CDYL: variants seen among roughly 807,000 people sequenced by gnomAD.
The protein encoded by CDYL is chromodomain Y-like protein.
CDYL carries 8 observed loss-of-function variants against 47.3 expected under a neutral mutation model. That is an observed-to-expected ratio of 0.17 (90% CI 0.10 to 0.31). The LOEUF (loss-of-function observed/expected upper bound fraction) is 0.31. Ranked by LOEUF, CDYL falls within the 10% of genes least tolerant of loss-of-function variation. The probability of loss-of-function intolerance (pLI) is 1.00; values close to 1 mark genes in which losing one functional copy is unlikely to be tolerated. For missense variants in CDYL, 471 were observed against 701.4 expected (o/e 0.67, Z 3.71); for synonymous variants, 266 against 265.0 (o/e 1.00, Z -0.04).
At chr6:4,712,475 G>A (rs999987377) in intron 1 of CDYL, among the ~76,000 whole-genome samples, 3 of 152,180 alleles carry the variant, frequency 2.0e-5, no homozygotes, top group Non-Finnish European at 2.9e-5. Flanking sequence ...CGTTCCCACC[G>A]GCAGCAGTTA....
At chr6:4,723,959 T>G (rs886544052) in intron 2 of CDYL, among the ~76,000 whole-genome samples, 1 of 152,138 alleles carries the variant, frequency 6.6e-6, no homozygotes, top group African/African-American at 2.4e-5. Flanking sequence ...CCCTGGGGAT[T>G]AAAAGAGAGA....
At chr6:4,871,690 A>G (rs1000497525) in intron 1 of CDYL, among the ~76,000 whole-genome samples, 2 of 152,072 alleles carry the variant, frequency 1.3e-5, no homozygotes, top group African/African-American at 4.8e-5. Context: ...TTTTTGTAAA[A>G]TTTATATTTG....
rs75007087 is a variant in CDYL at position 4,779,547 on chromosome 6, A to G, written c.24+2740A>G. Among the ~76,000 whole-genome samples the G allele has an allele frequency of 7.9e-3, 1,201 of 152,346 alleles. 23 individuals carry two copies. Among genetic ancestry groups the G allele is most frequent in the East Asian group, 0.044 (227 of 5,188 alleles). ...GCTATTGAAACTAGGCTTTGTGAAC[A>G]AAAAATAAAGGAACAGATCCTGGAA... On this transcript the variant is annotated intron_variant, in intron 1 of 6. Coordinates refer to ENST00000397588, the MANE Select transcript of CDYL (RefSeq NM_004824.4).
intron 1 of CDYL, among the ~76,000 whole-genome samples, chr6:4,857,446 T>C (rs1761043206): frequency 1.3e-5 from 2 of 152,236 alleles, no homozygotes; most frequent in African/African-American, 4.8e-5. Flanking sequence ...CAAAATATGC[T>C]GAAATTCTTG....
rs11967477 is a variant in CDYL, at chr6:4,933,937, C to T, written c.692-1578C>T. Among the ~76,000 whole-genome samples, 434 of 152,276 alleles carry T rather than the reference C, an allele frequency of 2.9e-3. 2 individuals are homozygous for T. Among genetic ancestry groups the T allele is most frequent in the African/African-American group, 7.7e-3 (320 of 41,528 alleles). Reference sequence around the variant, plus strand: ...TCCCTACCTTGGGCCTCGCCTGCCACGCAGCCTTAGGAAAGAACAGGAAGC... The same window carrying T: ...TCCCTACCTTGGGCCTCGCCTGCCATGCAGCCTTAGGAAAGAACAGGAAGC... On this transcript the variant is annotated intron_variant, in intron 2 of 6. Transcript: ENST00000397588.
At chr6:4,910,832 A>ATT (rs34456219) in intron 2 of CDYL, among the ~76,000 whole-genome samples, 9 of 147,400 alleles carry the variant, frequency 6.1e-5, no homozygotes, top group South Asian at 2.2e-4. Flanking sequence ...CTGAGAAAGG[A>ATT]TTTTTTTTTT....
chr6:4,928,064 A>C (rs1757930057), intron 2 of CDYL, among the ~76,000 whole-genome samples: 1 of 152,176 alleles, frequency 6.6e-6, no homozygotes, highest in Non-Finnish European at 1.5e-5. Flanking sequence ...TTTCGTGTAG[A>C]TTTGTAATAT....
intron 1 of CDYL, among the ~76,000 whole-genome samples, chr6:4,812,418 C>T (rs1265750924): frequency 1.3e-5 from 2 of 152,186 alleles, no homozygotes; most frequent in Non-Finnish European, 2.9e-5. Context: ...TGTACATGTG[C>T]CCAGAAAGTA....
At chr6:4,797,197 G>A (rs190465817) in intron 1 of CDYL, among the ~76,000 whole-genome samples, 36 of 151,908 alleles carry the variant, frequency 2.4e-4, no homozygotes, top group African/African-American at 8.5e-4. Flanking sequence ...CATCTTTCTT[G>A]AAGACACAAT....
chr6:4,909,383 C>T (rs1757337521), intron 2 of CDYL, among the ~76,000 whole-genome samples: 1 of 152,186 alleles, frequency 6.6e-6, no homozygotes. Context: ...TTCCTGCATC[C>T]TTATTATCAG....
intron 2 of CDYL, among the ~76,000 whole-genome samples, chr6:4,725,993 A>T (rs370265337): frequency 3.9e-4 from 59 of 152,006 alleles, no homozygotes; most frequent in African/African-American, 1.4e-3. Flanking sequence ...ACAACTCCTG[A>T]CTTGCTAAGG....
chr6:4,775,042 C>T (rs1312495395), upstream of CDYL, among the ~76,000 whole-genome samples: 1 of 152,100 alleles, frequency 6.6e-6, no homozygotes, highest in African/African-American at 2.4e-5. This position sits in a 1 kb window ranked among gnomAD's most constrained non-coding sequence, Gnocchi z 7.0. Context: ...GTTGTTGAAA[C>T]GCTGTTGGGG....
At chr6:4,760,244 G>T (rs1758153911) in intron 3 of CDYL, among the ~76,000 whole-genome samples, 1 of 151,928 alleles carries the variant, frequency 6.6e-6, no homozygotes, top group Non-Finnish European at 1.5e-5. Context: ...CATCATTGTT[G>T]CTGACTCCCT....
At chr6:4,749,021 G>A (rs1290348154) in intron 3 of CDYL, among the ~76,000 whole-genome samples, 4 of 152,186 alleles carry the variant, frequency 2.6e-5, no homozygotes, top group African/African-American at 4.8e-5. Context: ...CTGTTAGATC[G>A]CCTTGGAGCC....
In CDYL at chr6:4,824,500, C is replaced by T. The variant is rs951859290; in HGVS notation, c.24+47693C>T. On this transcript the variant is annotated intron_variant, in intron 1 of 6. Coordinates refer to ENST00000397588, the MANE Select transcript of CDYL (RefSeq NM_004824.4). ...AGTACGATGAGCATCACTTGATATGCTTATTAGCTATTTGTATGTCTTCTT... is the reference window on the plus strand; with the variant it reads ...AGTACGATGAGCATCACTTGATATGTTTATTAGCTATTTGTATGTCTTCTT... Among the ~76,000 whole-genome samples the T allele has an allele frequency of 1.1e-4, 17 of 152,142 alleles. 1 individual carries two copies. The highest frequency in any genetic ancestry group is 3.9e-4 in the African/African-American group (16 of 41,416).
chr6:4,813,950 T>G (rs973142078), intron 1 of CDYL, among the ~76,000 whole-genome samples: 4 of 151,624 alleles, frequency 2.6e-5, no homozygotes, highest in African/African-American at 9.7e-5. Flanking sequence ...TTTTTTTTTT[T>G]TTTTTTGTAG....
At chr6:4,949,204 G>A (rs549582916) in intron 5 of CDYL, among the ~76,000 whole-genome samples, 2 of 152,334 alleles carry the variant, frequency 1.3e-5, no homozygotes, top group East Asian at 1.9e-4. Context: ...AGGATGGCAC[G>A]GTCTGACGCC....
chr6:4,736,380 A>G (rs1399399629), intron 3 of CDYL, among the ~76,000 whole-genome samples: 1 of 152,234 alleles, frequency 6.6e-6, no homozygotes, highest in Non-Finnish European at 1.5e-5. Flanking sequence ...ATTGGGGGAA[A>G]TGCAACATTT....
chr6:4,932,963 C>T (rs771642637), intron 2 of CDYL, among the ~76,000 whole-genome samples: 2 of 152,212 alleles, frequency 1.3e-5, no homozygotes, highest in African/African-American at 2.4e-5. Context: ...CCCATGCTTA[C>T]GAGTGGCCTC....
Sources: gnomAD v4.1 joint callset for allele counts (sites outside exome capture counted in the v4.1 genomes callset) on GRCh38, gnomAD v4.1.1 for gene constraint, Gnocchi (gnomAD v3.1) non-coding constraint, MANE v1.5 for transcripts, NCBI Gene and HGNC (gene_info 2026-07-23, HGNC 2026-07-21) for gene names.